TSSK2: variants seen among roughly 807,000 people sequenced by gnomAD.
TSSK2 encodes testis specific serine kinase 2.
Under a neutral mutation model 14.2 loss-of-function variants are expected in TSSK2, and 5 were observed. That is an observed-to-expected ratio of 0.35 (90% confidence interval 0.18 to 0.74). The LOEUF is 0.74. Ranked by LOEUF, TSSK2 falls within the 30% of genes least tolerant of loss-of-function variation. TSSK2 has a pLI of 0.56. For synonymous variants in TSSK2, 209 were observed against 201.9 expected (o/e 1.04, Z -0.30); for missense variants, 439 against 491.1 (o/e 0.89, Z 1.00).
rs2083518558 is a variant in TSSK2, at chr22:19,132,383, G to T, written c.984G>T (p.Glu328Asp). Residue 328 changes from glutamate to aspartate, a missense_variant, in exon 1 of 1, where the codon GAG becomes GAT. By Grantham distance (45) the Glu-to-Asp change is conservative. Transcript: ENST00000399635. The surrounding 1 kb of genome is among the most constrained non-coding windows in gnomAD (Gnocchi z 4.2). ...AGCACCGGCTGCTGGTGGTGCCCGA[G>T]AACGAGAACAGGATGGAGGACAGGC... The part of the protein sequence containing the change: ...KTQHRLLVVP[E>D]NENRMEDRLA... 2 of 1,613,062 alleles carry T rather than the reference G, an allele frequency of 1.2e-6. No individual in the cohort carries two copies. The highest frequency in any genetic ancestry group is 2.7e-5 in the African/African-American group (2 of 74,882).
At position 19,131,492 on chromosome 22, in the gene TSSK2, T is replaced by C. The variant is rs763628494; in HGVS notation, c.93T>C (p.Ser31=). ...GSYAKVKSAY[S]ERLKFNVAVK... ...ACGCAAAAGTCAAATCTGCCTACTCTGAGCGCCTCAAGTTCAATGTGGCTG... is the reference window on the plus strand; with the variant it reads ...ACGCAAAAGTCAAATCTGCCTACTCCGAGCGCCTCAAGTTCAATGTGGCTG... The change falls in exon 1 of 1, where the codon TCT becomes TCC. Residue 31 remains serine (S), a synonymous_variant. Coordinates refer to ENST00000399635, the MANE Select transcript of TSSK2 (RefSeq NM_053006.5). This position sits in a 1 kb window ranked among gnomAD's most constrained non-coding sequence, Gnocchi z 5.7. The C allele has an allele frequency of 9.3e-6, 15 of 1,614,062 alleles. No homozygotes were observed. The highest frequency in any genetic ancestry group is 1.3e-5 in the African/African-American group (1 of 74,928).
rs373815280 is a variant in TSSK2, at chr22:19,131,864, T to C, written c.465T>C (p.Phe155=). 11 of 1,614,052 alleles carry C rather than the reference T, an allele frequency of 6.8e-6. No individual in the cohort carries two copies. The South Asian group carries it at 9.9e-5, about 14-fold the overall frequency. Residue 155 remains phenylalanine (F), a synonymous_variant, in exon 1 of 1, where the codon TTT becomes TTC. Transcript: ENST00000399635. This position sits in a 1 kb window ranked among gnomAD's most constrained non-coding sequence, Gnocchi z 5.7. ...ACTTCAACATCAAGCTGTCTGACTT[T>C]GGCTTCTCCAAGCGCTGCCTGCGGG... ...DKDFNIKLSD[F]GFSKRCLRDS...
chr22:19,131,700 TTCA>T lies in TSSK2; in HGVS notation c.305_307del (p.Ile102del), dbSNP rs1251275154. ...TGGCGTCCAGGGCGACCTCCTCGAG[TTCA>T]TCAAGTGCCAGGGAGCCCTGCATGA... On this transcript the variant is annotated inframe_deletion, in exon 1 of 1. Coordinates refer to ENST00000399635, the MANE Select transcript of TSSK2 (RefSeq NM_053006.5). The surrounding 1 kb of genome is among the most constrained non-coding windows in gnomAD (Gnocchi z 5.7). 4.3e-6 allele frequency: 7 copies of T among 1,613,846 alleles called. No homozygotes were observed. The highest frequency in any genetic ancestry group is 5.1e-6 in the Non-Finnish European group (6 of 1,179,924).
rs1228574688 is a variant in TSSK2 at position 19,131,691 on chromosome 22, C to T, written c.292C>T (p.Leu98Phe). 6.2e-7 allele frequency: 1 copy of T among 1,614,094 alleles called. No individual in the cohort carries two copies. The highest frequency in any genetic ancestry group is 1.1e-5 in the South Asian group (1 of 91,072). The change falls in exon 1 of 1, where the codon CTC becomes TTC. Residue 98 changes from leucine to phenylalanine, a missense_variant. Transcript: ENST00000399635. This position sits in a 1 kb window ranked among gnomAD's most constrained non-coding sequence, Gnocchi z 5.7. The part of the protein sequence containing the change: ...IIMELGVQGD[L>F]LEFIKCQGAL... ...CATGGAGCTTGGCGTCCAGGGCGACCTCCTCGAGTTCATCAAGTGCCAGGG... is the reference window on the plus strand; with the variant it reads ...CATGGAGCTTGGCGTCCAGGGCGACTTCCTCGAGTTCATCAAGTGCCAGGG...
In TSSK2 at chr22:19,131,356, A is replaced by ACGGGGGGATGTAGACGGCAGC; in HGVS notation, c.-43_-23dup. On this transcript the variant is annotated 5_prime_UTR_variant, in exon 1 of 1. In the 5' UTR this introduces an upstream ATG that the reference lacks. Coordinates refer to ENST00000399635, the MANE Select transcript of TSSK2 (RefSeq NM_053006.5). The surrounding 1 kb of genome is among the most constrained non-coding windows in gnomAD (Gnocchi z 5.7). ...AGGACAATGCCTGCTGGCCCACATG[A>ACGGGGGGATGTAGACGGCAGC]CGGGGGGATGTAGACGGCAGCGGCG... 6.6e-7 allele frequency: 1 copy of ACGGGGGGATGTAGACGGCAGC among 1,515,572 alleles called. No homozygotes were observed. The highest frequency in any genetic ancestry group is 1.3e-5 in the South Asian group (1 of 79,266). The allele number at this position is 1,515,572 out of a possible 1,614,324, so 93.9% of individuals were successfully genotyped here. A position where few individuals can be genotyped will look rare whatever the true frequency, so the allele number is the denominator to read the frequency against.
At position 19,131,737 on chromosome 22, in the gene TSSK2, C is replaced by T; in HGVS notation, c.338C>T (p.Ala113Val). ...CAGGGAGCCCTGCATGAGGACGTGG[C>T]ACGCAAGATGTTCCGACAGCTCTCC... Reference protein sequence around the residue: ...KCQGALHEDVARKMFRQLSSA... With the variant: ...KCQGALHEDVVRKMFRQLSSA... The change falls in exon 1 of 1, where the codon GCA (alanine) becomes GTA (valine). Residue 113 changes from alanine (A) to valine (V), a missense_variant. Physicochemically the swap from Ala to Val is moderately conservative, Grantham distance 64. Coordinates refer to ENST00000399635, the MANE Select transcript of TSSK2 (RefSeq NM_053006.5). The surrounding 1 kb of genome is among the most constrained non-coding windows in gnomAD (Gnocchi z 5.7). 1 of 1,614,108 alleles carries T rather than the reference C, an allele frequency of 6.2e-7. No individual in the cohort carries two copies. The highest frequency in any genetic ancestry group is 8.5e-7 in the Non-Finnish European group (1 of 1,179,978).
rs1032052420 is a variant in TSSK2, at chr22:19,132,563, A to G, written c.*87A>G. ...CTTCACGTAAACTAAGTAGGCAGGT[A>G]GGATCTGAAGAAGGCACAGGTGCAA... On this transcript the variant is annotated 3_prime_UTR_variant, in exon 1 of 1. Transcript: ENST00000399635. The surrounding 1 kb of genome is among the most constrained non-coding windows in gnomAD (Gnocchi z 4.2). The G allele has an allele frequency of 3.7e-6, 5 of 1,348,610 alleles. No homozygotes were observed. Among genetic ancestry groups the G allele is most frequent in the Admixed American group, 4.4e-5 (2 of 45,036 alleles). The allele number at this position is 1,348,610 out of a possible 1,614,324, so 83.5% of individuals were successfully genotyped here.
In TSSK2 at chr22:19,132,217, A is replaced by T; in HGVS notation, c.818A>T (p.Gln273Leu). 1 of 1,612,134 alleles carries T rather than the reference A, an allele frequency of 6.2e-7. No homozygotes were observed. The highest frequency in any genetic ancestry group is 1.1e-5 in the South Asian group (1 of 91,020). Residue 273 changes from glutamine (Q) to leucine (L), a missense_variant, in exon 1 of 1, where the codon CAG becomes CTG. Physicochemically the swap from Gln to Leu is moderately radical, Grantham distance 113. Coordinates refer to ENST00000399635, the MANE Select transcript of TSSK2 (RefSeq NM_053006.5). This position sits in a 1 kb window ranked among gnomAD's most constrained non-coding sequence, Gnocchi z 4.2. Reference sequence around the variant, plus strand: ...GAGATCCTCAGCCACTCGTGGCTGCAGCCCCCCAAGCCCAAAGCCACGTCT... The same window carrying T: ...GAGATCCTCAGCCACTCGTGGCTGCTGCCCCCCAAGCCCAAAGCCACGTCT... ...IDEILSHSWL[Q>L]PPKPKATSSA...
At position 19,132,541 on chromosome 22, in the gene TSSK2, C is replaced by A; in HGVS notation, c.*65C>A. 6.8e-7 allele frequency: 1 copy of A among 1,480,998 alleles called. No homozygotes were observed. The highest frequency in any genetic ancestry group is 1.4e-5 in the African/African-American group (1 of 71,466). The allele number at this position is 1,480,998 out of a possible 1,614,324, so 91.7% of individuals were successfully genotyped here. A position where few individuals can be genotyped will look rare whatever the true frequency, so the allele number is the denominator to read the frequency against. ...TGGGGGGCATGGTGCAGTCGGCCTT[C>A]ACGTAAACTAAGTAGGCAGGTAGGA... On this transcript the variant is annotated 3_prime_UTR_variant, in exon 1 of 1. Coordinates refer to ENST00000399635, the MANE Select transcript of TSSK2 (RefSeq NM_053006.5). The surrounding 1 kb of genome is among the most constrained non-coding windows in gnomAD (Gnocchi z 4.2).
chr22:19,131,657 C>A lies in TSSK2; in HGVS notation c.258C>A (p.Ile86=), dbSNP rs1409775071. 1 of 1,614,166 alleles carries A rather than the reference C, an allele frequency of 6.2e-7. No individual in the cohort carries two copies. Among genetic ancestry groups the A allele is most frequent in the Non-Finnish European group, 8.5e-7 (1 of 1,180,030 alleles). Residue 86 remains isoleucine (I), a synonymous_variant, in exon 1 of 1, where the codon ATC becomes ATA. Transcript: ENST00000399635. The surrounding 1 kb of genome is among the most constrained non-coding windows in gnomAD (Gnocchi z 5.7). The part of the protein sequence containing the change: ...YEIFETSDGR[I]YIIMELGVQG... ...TCTTTGAGACCTCTGACGGACGGAT[C>A]TACATCATCATGGAGCTTGGCGTCC...
rs985040919 is a variant in TSSK2 at position 19,131,441 on chromosome 22, A to T, written c.42A>T (p.Val14=). Residue 14 remains valine, a synonymous_variant, in exon 1 of 1, where the codon GTA becomes GTT. Coordinates refer to ENST00000399635, the MANE Select transcript of TSSK2 (RefSeq NM_053006.5). This position sits in a 1 kb window ranked among gnomAD's most constrained non-coding sequence, Gnocchi z 5.7. The stretch of plus-strand genomic sequence containing the variant: ...TCCTAAGGAAGAAGGGTTACATCGT[A>T]GGCATCAATCTTGGCAAGGGTTCCT... ...ATVLRKKGYI[V]GINLGKGSYA... 1.2e-6 allele frequency: 2 copies of T among 1,613,618 alleles called. No individual in the cohort carries two copies. Among genetic ancestry groups the T allele is most frequent in the African/African-American group, 2.7e-5 (2 of 74,916 alleles).
In TSSK2 at chr22:19,132,024, A is replaced by G. The variant is rs1764407208; in HGVS notation, c.625A>G (p.Met209Val). Reference protein sequence around the residue: ...IWSLGVILYIMVCGSMPYDDS... With the variant: ...IWSLGVILYIVVCGSMPYDDS... ...GAGCCTGGGCGTGATCCTGTACATCATGGTCTGCGGCTCCATGCCCTATGA... is the reference window on the plus strand; with the variant it reads ...GAGCCTGGGCGTGATCCTGTACATCGTGGTCTGCGGCTCCATGCCCTATGA... The change falls in exon 1 of 1, where the codon ATG (methionine) becomes GTG (valine). Residue 209 changes from methionine (M) to valine (V), a missense_variant. By Grantham distance (21) the Met-to-Val change is conservative (BLOSUM62 1). Coordinates refer to ENST00000399635, the MANE Select transcript of TSSK2 (RefSeq NM_053006.5). This position sits in a 1 kb window ranked among gnomAD's most constrained non-coding sequence, Gnocchi z 4.2. 2 of 1,614,100 alleles carry G rather than the reference A, an allele frequency of 1.2e-6. No homozygotes were observed. Among genetic ancestry groups the G allele is most frequent in the Non-Finnish European group, 8.5e-7 (1 of 1,180,034 alleles).
At position 19,131,983 on chromosome 22, in the gene TSSK2, A is replaced by G. The variant is rs2083512731; in HGVS notation, c.584A>G (p.Lys195Arg). The change falls in exon 1 of 1, where the codon AAG (lysine) becomes AGG (arginine). Residue 195 changes from lysine (K) to arginine (R), a missense_variant. Lys to Arg is a conservative substitution (Grantham distance 26, BLOSUM62 2). Transcript: ENST00000399635. This position sits in a 1 kb window ranked among gnomAD's most constrained non-coding sequence, Gnocchi z 5.7. ...CTGCAGAGCATCCCCTACCAGCCCAAGGTGTATGACATCTGGAGCCTGGGC... is the reference window on the plus strand; with the variant it reads ...CTGCAGAGCATCCCCTACCAGCCCAGGGTGTATGACATCTGGAGCCTGGGC... ...EVLQSIPYQP[K>R]VYDIWSLGVI... The G allele has an allele frequency of 2.5e-6, 4 of 1,614,180 alleles. No homozygotes were observed. The highest frequency in any genetic ancestry group is 1.1e-5 in the South Asian group (1 of 91,090).
rs1036775298 is a variant in TSSK2, at chr22:19,131,312, G to A, written c.-88G>A. 15 of 1,220,246 alleles carry A rather than the reference G, an allele frequency of 1.2e-5. No homozygotes were observed. Among genetic ancestry groups the A allele is most frequent in the Admixed American group, 9.0e-5 (4 of 44,566 alleles). The allele number at this position is 1,220,246 out of a possible 1,614,324, so 75.6% of individuals were successfully genotyped here. A position where few individuals can be genotyped will look rare whatever the true frequency, so the allele number is the denominator to read the frequency against. ...CCAGCCCAGGGCAGCCCAGCCAGAC[G>A]CCTCCGGTAGTGTAAATGAGGACAA... On this transcript the variant is annotated 5_prime_UTR_variant, in exon 1 of 1. Coordinates refer to ENST00000399635, the MANE Select transcript of TSSK2 (RefSeq NM_053006.5). This position sits in a 1 kb window ranked among gnomAD's most constrained non-coding sequence, Gnocchi z 5.7.
In TSSK2 at chr22:19,131,586, A is replaced by G. The variant is rs1769496863; in HGVS notation, c.187A>G (p.Ile63Val). Residue 63 changes from isoleucine to valine, a missense_variant, in exon 1 of 1, where the codon ATC (isoleucine) becomes GTC (valine). Coordinates refer to ENST00000399635, the MANE Select transcript of TSSK2 (RefSeq NM_053006.5). This position sits in a 1 kb window ranked among gnomAD's most constrained non-coding sequence, Gnocchi z 5.7. ...GAGATTCCTTCCTCGGGAGATGGACATCCTGGCAACTGTCAACCACGGCTC... is the reference window on the plus strand; with the variant it reads ...GAGATTCCTTCCTCGGGAGATGGACGTCCTGGCAACTGTCAACCACGGCTC... ...VERFLPREMD[I>V]LATVNHGSII... The G allele has an allele frequency of 1.1e-5, 18 of 1,614,008 alleles. No homozygotes were observed. Among genetic ancestry groups the G allele is most frequent in the African/African-American group, 5.3e-5 (4 of 74,904 alleles).
In TSSK2 at chr22:19,131,951, C is replaced by G. The variant is rs185015956; in HGVS notation, c.552C>G (p.Pro184=). 1.2e-6 allele frequency: 2 copies of G among 1,614,144 alleles called. No homozygotes were observed. The highest frequency in any genetic ancestry group is 2.7e-5 in the African/African-American group (2 of 75,038). The part of the protein sequence containing the change: ...TFCGSAAYAA[P]EVLQSIPYQP... ...GCGGGTCGGCAGCATATGCAGCCCC[C>G]GAGGTGCTGCAGAGCATCCCCTACC... Residue 184 remains proline (P), a synonymous_variant, in exon 1 of 1, where the codon CCC becomes CCG. Transcript: ENST00000399635. The surrounding 1 kb of genome is among the most constrained non-coding windows in gnomAD (Gnocchi z 5.7).
chr22:19,131,519 C>T lies in TSSK2; in HGVS notation c.120C>T (p.Val40=), dbSNP rs766527353. ...AGCGCCTCAAGTTCAATGTGGCTGT[C>T]AAGATCATCGACCGCAAGAAAACAC... The part of the protein sequence containing the change: ...YSERLKFNVA[V]KIIDRKKTPT... Residue 40 remains valine, a synonymous_variant, in exon 1 of 1, where the codon GTC becomes GTT. Coordinates refer to ENST00000399635, the MANE Select transcript of TSSK2 (RefSeq NM_053006.5). This position sits in a 1 kb window ranked among gnomAD's most constrained non-coding sequence, Gnocchi z 5.7. 18 of 1,614,168 alleles carry T rather than the reference C, an allele frequency of 1.1e-5. No individual in the cohort carries two copies. Among genetic ancestry groups the T allele is most frequent in the Non-Finnish European group, 1.5e-5 (18 of 1,180,040 alleles).
rs1424205528 is a variant in TSSK2, at chr22:19,131,655, A to T, written c.256A>T (p.Ile86Phe). ...GATCTTTGAGACCTCTGACGGACGG[A>T]TCTACATCATCATGGAGCTTGGCGT... The part of the protein sequence containing the change: ...YEIFETSDGR[I>F]YIIMELGVQG... The change falls in exon 1 of 1, where the codon ATC (isoleucine) becomes TTC (phenylalanine). Residue 86 changes from isoleucine (I) to phenylalanine (F), a missense_variant. Coordinates refer to ENST00000399635, the MANE Select transcript of TSSK2 (RefSeq NM_053006.5). This position sits in a 1 kb window ranked among gnomAD's most constrained non-coding sequence, Gnocchi z 5.7. 6.2e-7 allele frequency: 1 copy of T among 1,613,762 alleles called. No individual in the cohort carries two copies. Among genetic ancestry groups the T allele is most frequent in the African/African-American group, 1.3e-5 (1 of 74,822 alleles).
chr22:19,131,958 C>G lies in TSSK2; in HGVS notation c.559C>G (p.Leu187Val), dbSNP rs749753119. 1.2e-6 allele frequency: 2 copies of G among 1,614,190 alleles called. No homozygotes were observed. Among genetic ancestry groups the G allele is most frequent in the Non-Finnish European group, 1.7e-6 (2 of 1,180,020 alleles). Residue 187 changes from leucine to valine, a missense_variant, in exon 1 of 1, where the codon CTG (leucine) becomes GTG (valine). By Grantham distance (32) the Leu-to-Val change is conservative. Transcript: ENST00000399635. This position sits in a 1 kb window ranked among gnomAD's most constrained non-coding sequence, Gnocchi z 5.7. ...GSAAYAAPEV[L>V]QSIPYQPKVY... is the part of the protein sequence containing the mutation. ...GGCAGCATATGCAGCCCCCGAGGTG[C>G]TGCAGAGCATCCCCTACCAGCCCAA... is the stretch of plus-strand genomic sequence containing the variant.
Sources: gnomAD v4.1 joint callset for allele counts on GRCh38, gnomAD v4.1.1 for gene constraint, Gnocchi (gnomAD v3.1) non-coding constraint, MANE v1.5 for transcripts, NCBI Gene and HGNC (gene_info 2026-07-23, HGNC 2026-07-21) for gene names.